ORC2: variants seen among roughly 807,000 people sequenced by gnomAD.
The protein encoded by ORC2 is origin recognition complex subunit 2.
A neutral mutation model predicts 77.7 loss-of-function variants in ORC2; 37 were observed. That is an observed-to-expected ratio of 0.48 (90% CI 0.37 to 0.63). The LOEUF (loss-of-function observed/expected upper bound fraction) is 0.63. ORC2 is among the 20% of genes least tolerant of loss of function. ORC2 has a pLI of 0.00. For synonymous variants in ORC2, 201 were observed against 229.5 expected (o/e 0.88, Z 1.12); for missense variants, 557 against 661.9 (o/e 0.84, Z 1.74).
At chr2:200,941,211 TA>T in intron 7 of ORC2, 36 bp downstream of exon 7, 1 of 1,570,422 alleles carries the variant, frequency 6.4e-7, no homozygotes, top group Non-Finnish European at 8.7e-7. Context: ...TCTTACTTTG[TA>T]ACACTAAGGC....
chr2:200,961,563 T>C (rs2041575035), intron 1 of ORC2, among the ~76,000 whole-genome samples: 1 of 152,216 alleles, frequency 6.6e-6, no homozygotes, highest in African/African-American at 2.4e-5. Flanking sequence ...ATGTCCAAAC[T>C]GGAAAGTTTC....
chr2:200,957,527 CCTT>C lies in ORC2; in HGVS notation c.109_111del (p.Lys37del), dbSNP rs1462960702. ...GGGTTGACCAAAAGCTGCGCTCGCT[CCTT>C]CTTCAATTTAGCTCCTATAAGAACA... On this transcript the variant is annotated inframe_deletion, in exon 4 of 18. Transcript: ENST00000234296. 1 of 1,604,168 alleles carries C rather than the reference CCTT, an allele frequency of 6.2e-7. No individual in the cohort carries two copies. The highest frequency in any genetic ancestry group is 1.7e-5 in the Admixed American group (1 of 58,812).
chr2:200,932,952 C>T (rs1286088293), intron 10 of ORC2, among the ~76,000 whole-genome samples: 2 of 152,286 alleles, frequency 1.3e-5, no homozygotes, highest in East Asian at 3.9e-4. Flanking sequence ...GCTATGTTTA[C>T]GCCCAATGAA....
intron 1 of ORC2, among the ~76,000 whole-genome samples, chr2:200,962,640 A>G (rs533563950): frequency 1.2e-4 from 18 of 152,294 alleles, no homozygotes; most frequent in Non-Finnish European, 2.2e-4. Flanking sequence ...GTGCACTGAG[A>G]TATTTTTACT....
rs775282340 is a variant in ORC2, at chr2:200,941,270, G to A, written c.431C>T (p.Ala144Val). Residue 144 changes from alanine (A) to valine (V), a missense_variant, in exon 7 of 18, where the codon GCT becomes GTT. Physicochemically the swap from Ala to Val is moderately conservative, Grantham distance 64 (BLOSUM62 0). Transcript: ENST00000234296. Reference protein sequence around the residue: ...NVPQSSKGHSASDKVQPKNND... With the variant: ...NVPQSSKGHSVSDKVQPKNND... The stretch of plus-strand genomic sequence containing the variant: ...TACCTTCGGTTGAACCTTGTCTGAA[G>A]CAGAATGGCCTAAAGAATGAAACAA... 1 of 1,610,058 alleles carries A rather than the reference G, an allele frequency of 6.2e-7. No homozygotes were observed.
At chr2:200,962,674 G>A (rs1294532505) in intron 1 of ORC2, among the ~76,000 whole-genome samples, 2 of 152,176 alleles carry the variant, frequency 1.3e-5, no homozygotes. Context: ...TAACCATGCA[G>A]ATCTCTTGTA....
intron 4 of ORC2, among the ~76,000 whole-genome samples, chr2:200,954,899 TG>T (rs2041438524): frequency 7.3e-6 from 1 of 137,602 alleles, no homozygotes; most frequent in African/African-American, 2.7e-5. Flanking sequence ...AATGAATGAA[TG>T]AATGAATAAA....
rs1471024517 is a variant in ORC2, at chr2:200,911,407, C to T, written c.1648-20G>A. The T allele has an allele frequency of 7.4e-7, 1 of 1,351,652 alleles. No homozygotes were observed. The highest frequency in any genetic ancestry group is 2.3e-5 in the East Asian group (1 of 43,674). The allele number at this position is 1,351,652 out of a possible 1,614,324, so 83.7% of individuals were successfully genotyped here. A position where few individuals can be genotyped will look rare whatever the true frequency, so the allele number is the denominator to read the frequency against. On this transcript the variant is annotated intron_variant, in intron 17 of 17. Transcript: ENST00000234296. ...AGTTCCCTGAAAGATTTAAGAATAC[C>T]TGTACGTTAGTCATTCATAAGAGGT...
At chr2:200,958,573 TC>T (rs745688498) in intron 2 of ORC2, among the ~76,000 whole-genome samples, 6 of 152,146 alleles carry the variant, frequency 3.9e-5, no homozygotes, top group Non-Finnish European at 8.8e-5. Flanking sequence ...AAAGCTACAG[TC>T]AATTGTGGGG....
chr2:200,924,324 G>A (rs1269659518), intron 13 of ORC2, among the ~76,000 whole-genome samples: 1 of 152,020 alleles, frequency 6.6e-6, no homozygotes, highest in East Asian at 1.9e-4. Flanking sequence ...TCCAGCCTGG[G>A]TGAGAGAGCA....
chr2:200,928,987 G>A (rs557057451), intron 11 of ORC2, among the ~76,000 whole-genome samples: 9 of 152,098 alleles, frequency 5.9e-5, no homozygotes, highest in African/African-American at 1.9e-4. Context: ...TTGAGATGGA[G>A]TCCTGCTCTG....
chr2:200,934,676 G>C (rs1015533215), intron 9 of ORC2, among the ~76,000 whole-genome samples: 1 of 151,736 alleles, frequency 6.6e-6, no homozygotes, highest in African/African-American at 2.4e-5. Flanking sequence ...CTGAAGTACT[G>C]TGAAAATGAG....
chr2:200,951,912 T>C lies in ORC2; in HGVS notation c.239-2269A>G, dbSNP rs561891791. Reference sequence around the variant, plus strand: ...GTCAATCTTTTCTTTTGATTACATATTTTCTAAGAAAACTTTCTGTAATCA... The same window carrying C: ...GTCAATCTTTTCTTTTGATTACATACTTTCTAAGAAAACTTTCTGTAATCA... On this transcript the variant is annotated intron_variant, in intron 4 of 17. Transcript: ENST00000234296. Among the ~76,000 whole-genome samples the C allele has an allele frequency of 4.6e-4, 70 of 152,322 alleles. No individual in the cohort carries two copies. In the Middle Eastern group the frequency reaches 0.017, roughly 37 times the overall value.
chr2:200,952,275 T>A (rs1445281238), intron 4 of ORC2, among the ~76,000 whole-genome samples: 4 of 151,854 alleles, frequency 2.6e-5, no homozygotes, highest in Admixed American at 6.6e-5. Flanking sequence ...TTATTTATTT[T>A]TTGAGACGGA....
rs1482674226 is a variant in ORC2 at position 200,959,454 on chromosome 2, A to T, written c.-59-14T>A. 6.6e-6 allele frequency: 1 copy of T among 152,250 alleles called. No individual in the cohort carries two copies. Among genetic ancestry groups the T allele is most frequent in the Non-Finnish European group, 1.5e-5 (1 of 68,046 alleles). 9.4% of individuals were successfully genotyped at this position (152,250 alleles called of 1,614,324 possible). ...AGATACAGTCACCTGTAATTGGAAA[A>T]ATAACTCAGTCAGGGTCAGCTAGCA... On this transcript the variant is annotated splice_polypyrimidine_tract_variant and intron_variant, in intron 1 of 17. Transcript: ENST00000234296.
rs3087356 is a variant in ORC2 at position 200,925,989 on chromosome 2, A to G, written c.1051-57T>C. 927 of 723,722 alleles carry G rather than the reference A, an allele frequency of 1.3e-3. 11 individuals are homozygous for G. The highest frequency in any genetic ancestry group is 0.012 in the South Asian group (604 of 50,140). 44.8% of individuals were successfully genotyped at this position (723,722 alleles called of 1,614,324 possible). A position where few individuals can be genotyped will look rare whatever the true frequency, so the allele number is the denominator to read the frequency against. ...TAATTACAATTTATTGTCATATACA[A>G]CTAGAAAATCAAACCTTTTTTTATA... On this transcript the variant is annotated intron_variant, in intron 12 of 17. Coordinates refer to ENST00000234296, the MANE Select transcript of ORC2 (RefSeq NM_006190.5).
At chr2:200,955,850 T>A (rs2041456055) in intron 4 of ORC2, among the ~76,000 whole-genome samples, 1 of 152,156 alleles carries the variant, frequency 6.6e-6, no homozygotes, top group Non-Finnish European at 1.5e-5. Flanking sequence ...AAAACCTAAC[T>A]AAAATATAAT....
intron 5 of ORC2, among the ~76,000 whole-genome samples, chr2:200,946,019 C>T (rs1271716052): frequency 1.3e-5 from 2 of 152,080 alleles, no homozygotes; most frequent in Non-Finnish European, 2.9e-5. Flanking sequence ...GGTACTTCTA[C>T]TTTTGCTCTT....
At chr2:200,933,733 G>T (rs896714706) in intron 10 of ORC2, 143 bp downstream of exon 10, 11 of 506,104 alleles carry the variant, frequency 2.2e-5, no homozygotes, top group Non-Finnish European at 3.2e-5. Context: ...TATAATAAAA[G>T]AAGTAATAAT....
Sources: gnomAD v4.1 joint callset for allele counts (sites outside exome capture counted in the v4.1 genomes callset) on GRCh38, gnomAD v4.1.1 for gene constraint, MANE v1.5 for transcripts, NCBI Gene and HGNC (gene_info 2026-07-23, HGNC 2026-07-21) for gene names.